Variants in MEI4 observed in about 807,000 individuals in gnomAD.
MEI4 encodes the protein meiotic double-stranded break formation protein 4, also known as meiosis-specific protein MEI4.
MEI4 carries 27 observed loss-of-function variants against 31.4 expected under a neutral mutation model. That is an observed-to-expected ratio of 0.86 (90% CI 0.63 to 1.19). The LOEUF (loss-of-function observed/expected upper bound fraction) is 1.19. MEI4 is among the 50% of genes most tolerant of loss of function. The pLI, the probability that MEI4 is intolerant of heterozygous loss-of-function variation, is 0.00. For synonymous variants in MEI4, 122 were observed against 145.4 expected (o/e 0.84, Z 1.16); for missense variants, 329 against 398.9 (o/e 0.82, Z 1.49).
chr6:77,820,425 CT>C lies in MEI4; in HGVS notation c.769-8505del, dbSNP rs34059647. On this transcript the variant is annotated intron_variant, in intron 3 of 4. Transcript: ENST00000684080. The surrounding 1 kb of genome is among the most constrained non-coding windows in gnomAD (Gnocchi z 4.5). ...TACAGGCACACGCCACCATGCCCCC[CT>C]GGCTAATTTTGTGTATTTTAGTAGA... Among the ~76,000 whole-genome samples the C allele has an allele frequency of 0.069, 10,544 of 152,162 alleles. 548 individuals carry two copies. Among genetic ancestry groups the C allele is most frequent in the Non-Finnish European group, 0.11 (7,613 of 68,004 alleles).
intron 2 of MEI4, among the ~76,000 whole-genome samples, chr6:77,739,589 G>A (rs1215135270): frequency 6.6e-6 from 1 of 152,088 alleles, no homozygotes; most frequent in Non-Finnish European, 1.5e-5. Context: ...GGAGCAAGGG[G>A]AGGGACACCA....
chr6:77,745,105 A>G (rs951431748), intron 2 of MEI4, among the ~76,000 whole-genome samples: 1 of 152,204 alleles, frequency 6.6e-6, no homozygotes, highest in Non-Finnish European at 1.5e-5. Flanking sequence ...ACAGGATCAA[A>G]TTCACACATA....
intron 2 of MEI4, among the ~76,000 whole-genome samples, chr6:77,760,354 T>C (rs1355561277): frequency 6.6e-6 from 1 of 152,134 alleles, no homozygotes; most frequent in Non-Finnish European, 1.5e-5. Context: ...AAAGGGGTCT[T>C]ATATTATTCA....
Position 77,684,929 on chromosome 6 carries a change from A to G in MEI4, c.-14-5729A>G, listed in dbSNP as rs9448143. Among the ~76,000 whole-genome samples, 1,227 of 152,220 alleles carry G rather than the reference A, an allele frequency of 8.1e-3. 14 individuals are homozygous for G. Among genetic ancestry groups the G allele is most frequent in the African/African-American group, 0.027 (1,111 of 41,554 alleles). On this transcript the variant is annotated intron_variant, in intron 1 of 4. Transcript: ENST00000684080. ...TAGTTTTTTTGAGGACCCTCCAAAC[A>G]GTTCTCCATAGTGGTTGTACTAATT...
At position 77,841,314 on chromosome 6, in the gene MEI4, C is replaced by CATATAT. The variant is rs1315994932; in HGVS notation, c.900+12267_900+12272dup. On this transcript the variant is annotated intron_variant, in intron 4 of 4. Coordinates refer to ENST00000684080, the MANE Select transcript of MEI4 (RefSeq NM_001322247.2). The stretch of plus-strand genomic sequence containing the variant: ...TACTGAGAAAGGTTACAAATGTGTG[C>CATATAT]ATATATATATATATATATATTTTTT... Among the ~76,000 whole-genome samples, 153 of 51,850 alleles carry CATATAT rather than the reference C, an allele frequency of 3.0e-3. 9 individuals carry two copies. The highest frequency in any genetic ancestry group is 9.6e-3 in the African/African-American group (82 of 8,570). 34.0% of individuals were successfully genotyped at this position (51,850 alleles called of 152,430 possible). A position where few individuals can be genotyped will look rare whatever the true frequency, so the allele number is the denominator to read the frequency against.
At chr6:77,912,608 C>G (rs1280570489) in intron 4 of MEI4, among the ~76,000 whole-genome samples, 1 of 151,946 alleles carries the variant, frequency 6.6e-6, no homozygotes, top group Non-Finnish European at 1.5e-5. Flanking sequence ...ATATCTTTCT[C>G]AATAAGTTGG....
intron 2 of MEI4, among the ~76,000 whole-genome samples, chr6:77,748,063 G>T (rs553208356): frequency 6.6e-6 from 1 of 152,180 alleles, no homozygotes; most frequent in Non-Finnish European, 1.5e-5. Flanking sequence ...TGGCAGCTCC[G>T]TCACAGGGTA....
intron 4 of MEI4, among the ~76,000 whole-genome samples, chr6:77,864,896 G>T (rs1338836320): frequency 2.0e-5 from 3 of 152,168 alleles, no homozygotes; most frequent in African/African-American, 4.8e-5. Context: ...AGACCACAGT[G>T]CAATCAAACT....
At chr6:77,869,914 T>G (rs997127864) in intron 4 of MEI4, among the ~76,000 whole-genome samples, 1 of 152,142 alleles carries the variant, frequency 6.6e-6, no homozygotes, top group Non-Finnish European at 1.5e-5. Flanking sequence ...CTTACCTGTT[T>G]AATTGGGAAG....
chr6:77,816,761 C>T (rs758280137), intron 3 of MEI4, among the ~76,000 whole-genome samples: 52 of 152,134 alleles, frequency 3.4e-4, no homozygotes, highest in Non-Finnish European at 6.8e-4. Flanking sequence ...TACTGAATGC[C>T]TGACTTGTAT....
At chr6:77,819,785 G>T (rs1456407957) in intron 3 of MEI4, among the ~76,000 whole-genome samples, 2 of 152,004 alleles carry the variant, frequency 1.3e-5, no homozygotes, top group Non-Finnish European at 2.9e-5. Flanking sequence ...GATTTAGTAT[G>T]TCAGTTTTAT....
intron 4 of MEI4, among the ~76,000 whole-genome samples, chr6:77,863,538 GAAAA>G (rs1164619405): frequency 1.3e-5 from 2 of 151,944 alleles, no homozygotes; most frequent in East Asian, 3.9e-4. Context: ...AGAGAAAAAA[GAAAA>G]AAAGAAATGA....
chr6:77,777,385 G>A (rs1018639427), intron 3 of MEI4, among the ~76,000 whole-genome samples: 5 of 152,128 alleles, frequency 3.3e-5, no homozygotes, highest in Non-Finnish European at 7.4e-5. Flanking sequence ...TATAAAATAA[G>A]GAAGATTGGT....
At chr6:77,901,628 T>A (rs1766190652) in intron 4 of MEI4, among the ~76,000 whole-genome samples, 1 of 152,058 alleles carries the variant, frequency 6.6e-6, no homozygotes, top group Non-Finnish European at 1.5e-5. Context: ...TTATCAGGTA[T>A]ATGATTTGAA....
Position 77,923,832 on chromosome 6 carries a change from A to G in MEI4, c.*486A>G, listed in dbSNP as rs1056265078. ...TAGTTGAACTTATATCATTGCTTTC[A>G]CCTTAGACGAGAATCATATAGAAGT... On this transcript the variant is annotated 3_prime_UTR_variant, in exon 5 of 5. Transcript: ENST00000684080. 2 of 151,810 alleles carry G rather than the reference A, an allele frequency of 1.3e-5. No homozygotes were observed. The highest frequency in any genetic ancestry group is 4.8e-5 in the African/African-American group (2 of 41,416). 9.4% of individuals were successfully genotyped at this position (151,810 alleles called of 1,614,324 possible).
At chr6:77,705,930 A>G (rs1345644048) in intron 2 of MEI4, among the ~76,000 whole-genome samples, 4 of 152,204 alleles carry the variant, frequency 2.6e-5, no homozygotes, top group Non-Finnish European at 5.9e-5. Context: ...GTCATTGAGC[A>G]GATCCATTGT....
At chr6:77,781,450 C>T (rs1170902038) in intron 3 of MEI4, among the ~76,000 whole-genome samples, 1 of 152,050 alleles carries the variant, frequency 6.6e-6, no homozygotes, top group Non-Finnish European at 1.5e-5. Context: ...ATAAACGAAC[C>T]ATGTTGGTAT....
intron 4 of MEI4, among the ~76,000 whole-genome samples, chr6:77,868,258 C>A (rs540357544): frequency 2.7e-5 from 4 of 146,404 alleles, no homozygotes; most frequent in African/African-American, 1.0e-4. Context: ...AAAATGCCAA[C>A]AGCAAGAAAG....
intron 2 of MEI4, among the ~76,000 whole-genome samples, chr6:77,752,767 C>A (rs947731422): frequency 1.3e-5 from 2 of 152,122 alleles, no homozygotes; most frequent in Non-Finnish European, 2.9e-5. Context: ...ATTTAAATTT[C>A]ATTTGGAACC....
Sources: gnomAD v4.1 joint callset for allele counts (sites outside exome capture counted in the v4.1 genomes callset) on GRCh38, gnomAD v4.1.1 for gene constraint, Gnocchi (gnomAD v3.1) non-coding constraint, MANE v1.5 for transcripts, NCBI Gene and HGNC (gene_info 2026-07-23, HGNC 2026-07-21) for gene names.